The following CNTN5 variants were observed in gnomAD, a reference collection of about 807,000 sequenced individuals.
CNTN5 encodes the protein contactin-5.
CNTN5 carries 77 observed loss-of-function variants against 129.1 expected under a neutral mutation model. The ratio of observed to expected loss-of-function variants is 0.60; its 90% CI spans 0.50 to 0.72. CNTN5 has a LOEUF of 0.72. Ranked by LOEUF, CNTN5 falls within the 30% of genes least tolerant of loss-of-function variation. The pLI, the probability that CNTN5 is intolerant of heterozygous loss-of-function variation, is 0.00. For synonymous variants in CNTN5, 509 were observed against 465.6 expected, an observed-to-expected ratio of 1.09 and a Z score of -1.20; for missense variants, 1,478 against 1,328.8, an observed-to-expected ratio of 1.11 and a Z score of -1.75.
intron 6 of CNTN5, among the ~76,000 whole-genome samples, chr11:99,853,315 C>A (rs1034108182): frequency 1.3e-5 from 2 of 151,918 alleles, no homozygotes; most frequent in Admixed American, 1.3e-4. Flanking sequence ...CATAGATATA[C>A]ATAGAGCTAT....
intron 1 of CNTN5, among the ~76,000 whole-genome samples, chr11:99,306,621 A>T (rs1242532435): frequency 6.6e-6 from 1 of 151,760 alleles, no homozygotes; most frequent in Non-Finnish European, 1.5e-5. Context: ...TTAACTAAAA[A>T]AATTCAGGAG....
chr11:99,721,553 C>T (rs567210155), intron 3 of CNTN5, among the ~76,000 whole-genome samples: 23 of 152,196 alleles, frequency 1.5e-4, no homozygotes, highest in South Asian at 2.1e-4. Flanking sequence ...TAGGCAGTAC[C>T]ATCCTGGGCA....
intron 2 of CNTN5, among the ~76,000 whole-genome samples, chr11:99,396,438 A>G (rs1019526585): frequency 6.6e-6 from 1 of 151,632 alleles, no homozygotes; most frequent in Non-Finnish European, 1.5e-5. Flanking sequence ...TGTTATTTAT[A>G]GTTGTGGTTG....
chr11:99,570,595 A>G (rs1196281450), intron 3 of CNTN5, among the ~76,000 whole-genome samples: 1 of 152,242 alleles, frequency 6.6e-6, no homozygotes, highest in Non-Finnish European at 1.5e-5. Flanking sequence ...TAATTTACCA[A>G]GTATTTATTA....
intron 1 of CNTN5, among the ~76,000 whole-genome samples, chr11:99,112,240 A>T (rs912974303): frequency 7.9e-5 from 12 of 152,022 alleles, no homozygotes; most frequent in Admixed American, 7.2e-4. Context: ...TTTCGATAAA[A>T]ATGTAATAAA....
chr11:100,036,179 T>C (rs1941989501), intron 9 of CNTN5, among the ~76,000 whole-genome samples: 1 of 152,224 alleles, frequency 6.6e-6, no homozygotes, highest in African/African-American at 2.4e-5. Context: ...TTCAGCTTTC[T>C]ACATATGGCT....
chr11:100,043,592 A>G (rs1942488646), intron 9 of CNTN5, among the ~76,000 whole-genome samples: 1 of 152,146 alleles, frequency 6.6e-6, no homozygotes, highest in Non-Finnish European at 1.5e-5. Flanking sequence ...TAGCATACCA[A>G]ACTATGTAAA....
At chr11:99,475,715 A>C (rs1945343758) in intron 2 of CNTN5, among the ~76,000 whole-genome samples, 1 of 152,068 alleles carries the variant, frequency 6.6e-6, no homozygotes, top group Admixed American at 6.6e-5. Context: ...TAAATAAATG[A>C]TTTTATTGCA....
chr11:99,482,594 T>C (rs1416812083), intron 2 of CNTN5, among the ~76,000 whole-genome samples: 1 of 152,182 alleles, frequency 6.6e-6, no homozygotes, highest in Non-Finnish European at 1.5e-5. Context: ...TTTTAAATAT[T>C]TAATAAAATC....
intron 1 of CNTN5, among the ~76,000 whole-genome samples, chr11:99,241,083 A>T (rs1490201229): frequency 6.6e-6 from 1 of 152,220 alleles, no homozygotes; most frequent in Non-Finnish European, 1.5e-5. Context: ...TTTTGTAATT[A>T]TAACCTGTCT....
At chr11:99,819,464 T>G (rs1327943917) in intron 3 of CNTN5, 80 bp from the exon 4 acceptor site, 3 of 1,285,886 alleles carry the variant, frequency 2.3e-6, no homozygotes, top group African/African-American at 3.0e-5. Flanking sequence ...TAGTAATGTC[T>G]TCAAAGAAAC....
intron 3 of CNTN5, among the ~76,000 whole-genome samples, chr11:99,792,225 G>T (rs1237394506): frequency 6.6e-6 from 1 of 152,116 alleles, no homozygotes; most frequent in Non-Finnish European, 1.5e-5. Flanking sequence ...GTATGATGTT[G>T]ACTGTGGGTT....
chr11:99,914,023 G>C (rs1949726896), intron 6 of CNTN5, among the ~76,000 whole-genome samples: 1 of 152,092 alleles, frequency 6.6e-6, no homozygotes, highest in Admixed American at 6.6e-5. Context: ...ACAGAGGCCA[G>C]AGGATTGCTT....
chr11:99,136,777 A>G (rs1396396040), intron 1 of CNTN5, among the ~76,000 whole-genome samples: 2 of 27,884 alleles, frequency 7.2e-5, no homozygotes, highest in Non-Finnish European at 1.3e-4. Flanking sequence ...ATAAAAGGAC[A>G]TGGGTTGTTT....
intron 1 of CNTN5, among the ~76,000 whole-genome samples, chr11:99,231,604 G>A (rs556052469): frequency 3.2e-4 from 48 of 152,160 alleles, no homozygotes; most frequent in African/African-American, 1.0e-3. Context: ...TAGGTTGTCT[G>A]TTCACTCTGA....
At chr11:99,906,884 A>G (rs78695578) in intron 6 of CNTN5, among the ~76,000 whole-genome samples, 8,798 of 149,868 alleles carry the variant, frequency 0.059, 844 homozygotes, top group African/African-American at 0.2. Context: ...AAGGGTGTAT[A>G]TGTCCAGATT....
intron 13 of CNTN5, among the ~76,000 whole-genome samples, chr11:100,086,952 C>G (rs1195110110): frequency 1.3e-5 from 2 of 151,382 alleles, no homozygotes; most frequent in Non-Finnish European, 3.0e-5. Flanking sequence ...AGCTGAGCTT[C>G]TATCTTAAGA....
intron 8 of CNTN5, among the ~76,000 whole-genome samples, chr11:99,991,727 G>A (rs1405647405): frequency 7.0e-6 from 1 of 143,792 alleles, no homozygotes; most frequent in Admixed American, 7.1e-5. Context: ...AAGCTCCAGT[G>A]ACTGTCAGAC....
At chr11:99,638,501 C>T (rs1951648240) in intron 3 of CNTN5, among the ~76,000 whole-genome samples, 3 of 152,088 alleles carry the variant, frequency 2.0e-5, no homozygotes, top group South Asian at 2.1e-4. Context: ...TCCAAAGTCT[C>T]ATCTGAGTCA....
Sources: gnomAD v4.1 joint callset for allele counts (sites outside exome capture counted in the v4.1 genomes callset) on GRCh38, gnomAD v4.1.1 for gene constraint, MANE v1.5 for transcripts, NCBI Gene and HGNC (gene_info 2026-07-23, HGNC 2026-07-21) for gene names.